FAM178B: variants seen among roughly 807,000 people sequenced by gnomAD.
FAM178B encodes the protein protein FAM178B.
A neutral mutation model predicts 91.7 loss-of-function variants in FAM178B; 82 were observed. The ratio of observed to expected loss-of-function variants is 0.89; its 90% CI spans 0.75 to 1.07. The LOEUF (loss-of-function observed/expected upper bound fraction) is 1.07. Ranked by LOEUF, FAM178B falls within the 50% of genes least tolerant of loss-of-function variation. The pLI is 0.00. For synonymous variants in FAM178B, 368 were observed against 359.4 expected, an observed-to-expected ratio of 1.02 and a Z score of -0.27; for missense variants, 769 against 846.7, an observed-to-expected ratio of 0.91 and a Z score of 1.14.
intron 13 of FAM178B, among the ~76,000 whole-genome samples, chr2:96,901,385 G>C (rs957509742): frequency 2.0e-5 from 3 of 151,820 alleles, no homozygotes; most frequent in African/African-American, 7.2e-5. Flanking sequence ...TGTTGGTCGG[G>C]CTGGTCTCGA....
intron 12 of FAM178B, among the ~76,000 whole-genome samples, chr2:96,910,878 C>T (rs1337788820): frequency 6.6e-6 from 1 of 150,450 alleles, no homozygotes; most frequent in African/African-American, 2.5e-5. Flanking sequence ...CTCACTACAA[C>T]AACCTCAGCC....
intron 12 of FAM178B, among the ~76,000 whole-genome samples, chr2:96,905,860 A>ATTT (rs1161397180): frequency 1.7e-4 from 4 of 23,260 alleles, no homozygotes; most frequent in African/African-American, 6.7e-4. Flanking sequence ...ATATATATAT[A>ATTT]TTTTTTTTTT....
Position 96,921,609 on chromosome 2 carries a change from C to T in FAM178B, c.1333G>A (p.Glu445Lys). ...AQAQPGAYTD[E>K]NLMGLIELLC... ...AGCTCAATCAGTCCCATGAGGTTCTCATCAGTGTAGGCCCCCGGCTGGGCC... is the reference window on the plus strand; with the variant it reads ...AGCTCAATCAGTCCCATGAGGTTCTTATCAGTGTAGGCCCCCGGCTGGGCC... Residue 445 changes from glutamate to lysine, a missense_variant, in exon 11 of 17, where the codon GAG becomes AAG. Glu to Lys is a moderately conservative substitution (Grantham distance 56). Coordinates refer to ENST00000490605, the MANE Select transcript of FAM178B (RefSeq NM_001122646.3). 2 of 1,551,684 alleles carry T rather than the reference C, an allele frequency of 1.3e-6. No individual in the cohort carries two copies. The highest frequency in any genetic ancestry group is 1.7e-6 in the Non-Finnish European group (2 of 1,147,002).
chr2:96,915,532 A>G (rs1449330690), intron 12 of FAM178B, among the ~76,000 whole-genome samples: 3 of 151,928 alleles, frequency 2.0e-5, no homozygotes, highest in Non-Finnish European at 4.4e-5. Flanking sequence ...AAGGGGAAAT[A>G]AGAGGATGGG....
intron 12 of FAM178B, among the ~76,000 whole-genome samples, chr2:96,905,203 G>A (rs1239979249): frequency 6.6e-6 from 1 of 152,180 alleles, no homozygotes; most frequent in Non-Finnish European, 1.5e-5. Flanking sequence ...AATGCACTGA[G>A]CCATACACTT....
chr2:96,968,712 A>G (rs1350924459), intron 4 of FAM178B, among the ~76,000 whole-genome samples: 1 of 151,734 alleles, frequency 6.6e-6, no homozygotes, highest in Non-Finnish European at 1.5e-5. Flanking sequence ...AGGCCCCCTC[A>G]GCCCCTCATC....
intron 14 of FAM178B, among the ~76,000 whole-genome samples, chr2:96,892,566 C>T (rs1164739895): frequency 6.6e-6 from 1 of 152,182 alleles, no homozygotes; most frequent in African/African-American, 2.4e-5. Flanking sequence ...TGCTCACTGT[C>T]CCTCTTCCCC....
intron 9 of FAM178B, among the ~76,000 whole-genome samples, chr2:96,928,054 A>G (rs1294061938): frequency 6.6e-6 from 1 of 152,212 alleles, no homozygotes; most frequent in Non-Finnish European, 1.5e-5. Flanking sequence ...TATTTATAGC[A>G]GAGCTGAGTG....
intron 14 of FAM178B, among the ~76,000 whole-genome samples, chr2:96,892,445 T>C (rs926418881): frequency 1.3e-5 from 2 of 152,168 alleles, no homozygotes; most frequent in Admixed American, 6.5e-5. Context: ...GGTGCCTCCA[T>C]GTTTTCAGGC....
Position 96,905,840 on chromosome 2 carries a change from A to G in FAM178B, c.1563-3133T>C, listed in dbSNP as rs1010394673. On this transcript the variant is annotated intron_variant, in intron 12 of 16. Coordinates refer to ENST00000490605, the MANE Select transcript of FAM178B (RefSeq NM_001122646.3). ...TGTGTATATATATATATATATATAT[A>G]TATATATATATATATATATATTTTT... Among the ~76,000 whole-genome samples, 42 of 27,662 alleles carry G rather than the reference A, an allele frequency of 1.5e-3. 3 individuals carry two copies. Among genetic ancestry groups the G allele is most frequent in the East Asian group, 0.014 (21 of 1,464 alleles). The allele number at this position is 27,662 out of a possible 152,430, so 18.1% of individuals were successfully genotyped here.
chr2:96,958,509 G>A (rs976467137), intron 6 of FAM178B, among the ~76,000 whole-genome samples: 4 of 151,306 alleles, frequency 2.6e-5, no homozygotes, highest in Admixed American at 6.6e-5. Context: ...GCAACATGGC[G>A]AGACCCCCAT....
chr2:96,921,358 G>C, intron 11 of FAM178B, 96 bp from the exon 12 acceptor site: 1 of 1,502,560 alleles, frequency 6.7e-7, no homozygotes, highest in Non-Finnish European at 9.1e-7. Flanking sequence ...GGGCAGTCAC[G>C]GAGATCAGGG....
chr2:96,910,518 T>C (rs1202901244), intron 12 of FAM178B, among the ~76,000 whole-genome samples: 2 of 152,240 alleles, frequency 1.3e-5, no homozygotes, highest in Non-Finnish European at 2.9e-5. Flanking sequence ...CGTTTTACTG[T>C]CAGCCCCAAA....
chr2:96,973,889 GCTA>G (rs1388820326), intron 1 of FAM178B, among the ~76,000 whole-genome samples: 1 of 151,980 alleles, frequency 6.6e-6, no homozygotes, highest in African/African-American at 2.4e-5. Context: ...TGTAATCCCA[GCTA>G]CTCAGGGGGC....
intron 8 of FAM178B, among the ~76,000 whole-genome samples, chr2:96,942,777 A>G (rs1446885193): frequency 6.6e-6 from 1 of 152,260 alleles, no homozygotes; most frequent in Non-Finnish European, 1.5e-5. Flanking sequence ...TAACAAATTT[A>G]GAGTACTAGC....
Position 96,947,820 on chromosome 2 carries a change from G to A in FAM178B, c.1076C>T (p.Pro359Leu). The A allele has an allele frequency of 6.5e-7, 1 of 1,536,902 alleles. No individual in the cohort carries two copies. Among genetic ancestry groups the A allele is most frequent in the Non-Finnish European group, 8.8e-7 (1 of 1,133,786 alleles). ...DLIVDGIFLQ[P>L]DEDKHLWCPS... ...CCACCCTGCATCCCAGTACTGACCA[G>A]GCTGAAGGAAGATTCCATCCACAAT... is the stretch of plus-strand genomic sequence containing the variant. Residue 359 changes from proline (P) to leucine (L), a missense_variant and splice_region_variant, in exon 8 of 17, where the codon CCT becomes CTT. By Grantham distance (98) the Pro-to-Leu change is moderately conservative. Transcript: ENST00000490605.
At chr2:96,982,546 A>T (rs955775844) in intron 1 of FAM178B, among the ~76,000 whole-genome samples, 2 of 152,076 alleles carry the variant, frequency 1.3e-5, no homozygotes, top group African/African-American at 2.4e-5. Flanking sequence ...TACAGGCATG[A>T]GCCACCGCAC....
chr2:96,876,307 G>T lies in FAM178B; in HGVS notation c.2009C>A (p.Ala670Asp), dbSNP rs2080239677. 3 of 1,602,870 alleles carry T rather than the reference G, an allele frequency of 1.9e-6. No homozygotes were observed. Among genetic ancestry groups the T allele is most frequent in the Non-Finnish European group, 2.6e-6 (3 of 1,175,938 alleles). ...GTCTTTCCAGGGGCTGAAATACTGGGCCTGCGGCGAGGAGAAAAGCAGGCT... is the reference window on the plus strand; with the variant it reads ...GTCTTTCCAGGGGCTGAAATACTGGTCCTGCGGCGAGGAGAAAAGCAGGCT... ...QELLTHCQPQ[A>D]QYFSPWKDI Residue 670 changes from alanine to aspartate, a missense_variant and splice_region_variant, in exon 17 of 17, where the codon GCC becomes GAC. Ala to Asp is a moderately radical substitution (Grantham distance 126). Transcript: ENST00000490605.
chr2:96,982,289 G>A (rs2082372424), intron 1 of FAM178B, among the ~76,000 whole-genome samples: 1 of 151,900 alleles, frequency 6.6e-6, no homozygotes, highest in Non-Finnish European at 1.5e-5. Context: ...TTTAGAGACA[G>A]GGTCTGGCTG....
Sources: gnomAD v4.1 joint callset for allele counts (sites outside exome capture counted in the v4.1 genomes callset) on GRCh38, gnomAD v4.1.1 for gene constraint, MANE v1.5 for transcripts, NCBI Gene and HGNC (gene_info 2026-07-23, HGNC 2026-07-21) for gene names.